The following RBFOX1 variants were observed in gnomAD, a reference collection of about 807,000 sequenced individuals.
RBFOX1 encodes RNA binding protein fox-1 homolog 1.
In RBFOX1, 8 loss-of-function variants were observed where a neutral mutation model predicts 57.7. The ratio of observed to expected loss-of-function variants is 0.14; its 90% CI spans 0.08 to 0.25. The LOEUF (loss-of-function observed/expected upper bound fraction) is 0.25. RBFOX1 is among the 10% of genes least tolerant of loss of function. The probability of loss-of-function intolerance (pLI) is 1.00; values close to 1 mark genes in which losing one functional copy is unlikely to be tolerated. For missense variants in RBFOX1, 611 were observed against 548.5 expected (o/e 1.11, Z -1.14); for synonymous variants, 326 against 222.4 (o/e 1.47, Z -4.15).
intron 4 of RBFOX1, among the ~76,000 whole-genome samples, chr16:7,219,005 CAAGAG>C (rs2092505010): frequency 6.6e-6 from 1 of 152,044 alleles, no homozygotes; most frequent in Non-Finnish European, 1.5e-5. Context: ...CTGGTGGTCA[CAAGAG>C]AAGAAGAGGT....
At chr16:6,507,683 C>G (rs1430948646) in intron 2 of RBFOX1, among the ~76,000 whole-genome samples, 1 of 152,004 alleles carries the variant, frequency 6.6e-6, no homozygotes, top group Non-Finnish European at 1.5e-5. Context: ...ATGGATGAAC[C>G]TTAATGGCAT....
chr16:7,183,650 A>G (rs2083168299), intron 4 of RBFOX1, among the ~76,000 whole-genome samples: 1 of 152,200 alleles, frequency 6.6e-6, no homozygotes, highest in African/African-American at 2.4e-5. Context: ...AGGAACATGT[A>G]TGAGAATACA....
intron 4 of RBFOX1, among the ~76,000 whole-genome samples, chr16:7,340,037 C>T (rs1160393699): frequency 6.6e-6 from 1 of 152,212 alleles, no homozygotes; most frequent in East Asian, 1.9e-4. Context: ...TTCCAGATTG[C>T]AGTCTCATTG....
chr16:5,773,502 A>G (rs1266034074), intron 3 of RBFOX1, among the ~76,000 whole-genome samples: 1 of 152,246 alleles, frequency 6.6e-6, no homozygotes, highest in East Asian at 1.9e-4. Flanking sequence ...ATAATTTTTC[A>G]TAACATGAAC....
At chr16:7,333,539 C>T (rs2096730667) in intron 4 of RBFOX1, among the ~76,000 whole-genome samples, 1 of 152,304 alleles carries the variant, frequency 6.6e-6, no homozygotes, top group Non-Finnish European at 1.5e-5. Context: ...TGTCTATTTT[C>T]AGAGAAGGCT....
At chr16:6,323,655 C>T (rs1271100311) in intron 2 of RBFOX1, among the ~76,000 whole-genome samples, 1 of 152,150 alleles carries the variant, frequency 6.6e-6, no homozygotes, top group African/African-American at 2.4e-5. Flanking sequence ...GTGAATTGAC[C>T]ACACAGCTGT....
intron 1 of RBFOX1, among the ~76,000 whole-genome samples, chr16:6,052,190 A>C (rs1049618709): frequency 2.0e-5 from 3 of 152,168 alleles, no homozygotes; most frequent in African/African-American, 7.2e-5. Flanking sequence ...CTCCGTTTCC[A>C]GTCCCATAAC....
At chr16:5,414,480 A>G (rs1002064922) in intron 1 of RBFOX1, among the ~76,000 whole-genome samples, 9 of 152,148 alleles carry the variant, frequency 5.9e-5, no homozygotes, top group African/African-American at 1.9e-4. Context: ...TTGAAGTGCT[A>G]TGAGCCTCTG....
intron 4 of RBFOX1, among the ~76,000 whole-genome samples, chr16:7,073,859 A>G (rs991149131): frequency 6.6e-6 from 1 of 151,824 alleles, no homozygotes; most frequent in African/African-American, 2.4e-5. Context: ...ATTGTCTCAT[A>G]AAAATAACAA....
At chr16:5,787,863 G>T (rs982901243) in intron 3 of RBFOX1, among the ~76,000 whole-genome samples, 1 of 152,224 alleles carries the variant, frequency 6.6e-6, no homozygotes, top group Non-Finnish European at 1.5e-5. Flanking sequence ...CATTGCAATT[G>T]CAGTGTTCCA....
At chr16:7,696,293 C>T (rs892939755) in intron 14 of RBFOX1, among the ~76,000 whole-genome samples, 23 of 152,164 alleles carry the variant, frequency 1.5e-4, no homozygotes, top group African/African-American at 4.1e-4. Context: ...GGGCAGGACA[C>T]CTCCTAATGC....
chr16:6,499,072 A>G (rs985048398), intron 2 of RBFOX1, among the ~76,000 whole-genome samples: 1 of 152,200 alleles, frequency 6.6e-6, no homozygotes, highest in Non-Finnish European at 1.5e-5. Context: ...GCTTCGCACA[A>G]CTGTGTTTAT....
At chr16:7,087,005 A>G (rs995576087) in intron 4 of RBFOX1, among the ~76,000 whole-genome samples, 1 of 152,162 alleles carries the variant, frequency 6.6e-6, no homozygotes, top group Non-Finnish European at 1.5e-5. Flanking sequence ...AGCGATGGGC[A>G]GGACCGCAGC....
chr16:7,360,777 C>T (rs894695872), intron 4 of RBFOX1, among the ~76,000 whole-genome samples: 1 of 152,162 alleles, frequency 6.6e-6, no homozygotes, highest in African/African-American at 2.4e-5. Context: ...TTGGCCAAGT[C>T]TTCTTTTCAC....
intron 4 of RBFOX1, among the ~76,000 whole-genome samples, chr16:7,112,414 T>A (rs1660190492): frequency 6.7e-6 from 1 of 149,170 alleles, no homozygotes; most frequent in Non-Finnish European, 1.5e-5. Flanking sequence ...GGTTTCGCCA[T>A]GTTGGCCAGG....
chr16:6,354,465 G>A (rs2086933167), intron 2 of RBFOX1, among the ~76,000 whole-genome samples: 1 of 151,986 alleles, frequency 6.6e-6, no homozygotes, highest in Admixed American at 6.6e-5. Context: ...GTTCCAAAAC[G>A]CTGTCTTGAT....
chr16:5,260,457 T>G (rs935897163), intron 1 of RBFOX1, among the ~76,000 whole-genome samples: 2 of 152,170 alleles, frequency 1.3e-5, no homozygotes, highest in African/African-American at 4.8e-5. Flanking sequence ...CTGTGTAAAT[T>G]TATCAGAAGA....
intron 4 of RBFOX1, among the ~76,000 whole-genome samples, chr16:6,001,301 G>A (rs1216353530): frequency 6.6e-6 from 1 of 152,090 alleles, no homozygotes; most frequent in East Asian, 1.9e-4. Context: ...TCACTTGTAG[G>A]ATTTATGTAA....
intron 1 of RBFOX1, among the ~76,000 whole-genome samples, chr16:6,292,370 T>A (rs1255569706): frequency 9.6e-6 from 1 of 104,230 alleles, no homozygotes; most frequent in East Asian, 2.0e-4. Context: ...TTCCACAGAT[T>A]TTTTTTTTTT....
Sources: allele counts gnomAD v4.1 joint callset (sites outside exome capture counted in the v4.1 genomes callset), GRCh38; gene constraint gnomAD v4.1.1; transcripts MANE v1.5; gene names NCBI Gene and HGNC (gene_info 2026-07-23, HGNC 2026-07-21).